AGO3: variants seen among roughly 807,000 people sequenced by gnomAD.
The protein encoded by AGO3 is argonaute RISC catalytic component 3.
In AGO3, 16 loss-of-function variants were observed where a neutral mutation model predicts 105.5. The observed-to-expected ratio is 0.15, with a 90% CI of 0.10 to 0.23. The LOEUF (loss-of-function observed/expected upper bound fraction) is 0.23. AGO3 is among the 10% of genes least tolerant of loss of function. AGO3 has a pLI of 1.00. For missense variants in AGO3, 534 were observed against 1,088.0 expected (o/e 0.49, Z 7.16); for synonymous variants, 340 against 367.3 (o/e 0.93, Z 0.85).
chr1:36,030,110 A>G (rs1005852855), intron 12 of AGO3, among the ~76,000 whole-genome samples: 3 of 152,212 alleles, frequency 2.0e-5, no homozygotes, highest in Admixed American at 6.5e-5. Context: ...TTAAATAAAA[A>G]CCTTCTTTTT....
At chr1:36,033,336 CA>C (rs80275011) in intron 12 of AGO3, among the ~76,000 whole-genome samples, 286 of 124,746 alleles carry the variant, frequency 2.3e-3, no homozygotes, top group Non-Finnish European at 1.9e-3. Flanking sequence ...GACTCCATCT[CA>C]AAAAAAAAAA....
chr1:36,009,082 C>A lies in AGO3; in HGVS notation c.1029+38C>A, dbSNP rs780172892. On this transcript the variant is annotated intron_variant, in intron 8 of 18. Transcript: ENST00000373191. ...CACTGCTAATTAATACCCTGTTGTT[C>A]ATGATTCTTTTGGGGTCTTTTATGG... The A allele has an allele frequency of 1.5e-5, 22 of 1,489,252 alleles. No homozygotes were observed. The South Asian group carries it at 2.6e-4, about 18-fold the overall frequency. 92.3% of individuals were successfully genotyped at this position (1,489,252 alleles called of 1,614,324 possible). A position where few individuals can be genotyped will look rare whatever the true frequency, so the allele number is the denominator to read the frequency against.
At position 36,027,499 on chromosome 1, in the gene AGO3, T is replaced by G. The variant is rs770084253; in HGVS notation, c.1591+201T>G. Among the ~76,000 whole-genome samples, 2 of 152,198 alleles carry G rather than the reference T, an allele frequency of 1.3e-5. No individual in the cohort carries two copies. The highest frequency in any genetic ancestry group is 2.9e-5 in the Non-Finnish European group (2 of 68,034). The stretch of plus-strand genomic sequence containing the variant: ...GACATTGTAAAAAGAGTTTCCGGGC[T>G]GGGCGTGGTGGCTCACGCCTGTAAT... On this transcript the variant is annotated intron_variant, in intron 12 of 18. Transcript: ENST00000373191. The surrounding 1 kb of genome is among the most constrained non-coding windows in gnomAD (Gnocchi z 4.0).
intron 1 of AGO3, among the ~76,000 whole-genome samples, chr1:35,944,155 A>G (rs1646313672): frequency 6.6e-6 from 1 of 152,156 alleles, no homozygotes; most frequent in Non-Finnish European, 1.5e-5. Context: ...TTTTTTGAGG[A>G]ACCATCATAC....
At chr1:35,934,744 G>C (rs761038271) in intron 1 of AGO3, among the ~76,000 whole-genome samples, 2 of 151,974 alleles carry the variant, frequency 1.3e-5, no homozygotes, top group Non-Finnish European at 2.9e-5. Context: ...TCTGCCTCCT[G>C]GGTTCAAGTG....
rs758001841 is a variant in AGO3, at chr1:36,060,023, A to G, written c.*4278A>G. ...TTCTAACAAGTTTCTTGGAAAAACT[A>G]TCATTCTAAGGGAAATCCCTGTTTA... On this transcript the variant is annotated 3_prime_UTR_variant, in exon 19 of 19. Transcript: ENST00000373191. The G allele has an allele frequency of 2.6e-5, 4 of 152,212 alleles. No individual in the cohort carries two copies. The highest frequency in any genetic ancestry group is 4.4e-5 in the Non-Finnish European group (3 of 68,028). 9.4% of individuals were successfully genotyped at this position (152,212 alleles called of 1,614,324 possible).
Position 35,969,455 on chromosome 1 carries a change from A to G in AGO3, c.312+2380A>G, listed in dbSNP as rs377670617. Among the ~76,000 whole-genome samples the G allele has an allele frequency of 2.0e-5, 3 of 152,270 alleles. No individual in the cohort carries two copies. In the East Asian group the frequency reaches 5.8e-4, roughly 29 times the overall value. On this transcript the variant is annotated intron_variant, in intron 3 of 18. Coordinates refer to ENST00000373191, the MANE Select transcript of AGO3 (RefSeq NM_024852.4). ...TTGCTTGAAAGGATTATTACTATGT[A>G]GAAGTGGTGATTTTCTAATTCTGTC...
intron 14 of AGO3, among the ~76,000 whole-genome samples, chr1:36,038,418 G>C (rs987463847): frequency 1.3e-5 from 2 of 151,972 alleles, no homozygotes; most frequent in African/African-American, 4.8e-5. Flanking sequence ...GACACACCCG[G>C]CTAATTTTTT....
chr1:36,010,744 T>TAAAAATACA (rs1557683308), intron 9 of AGO3, among the ~76,000 whole-genome samples: 1 of 151,586 alleles, frequency 6.6e-6, no homozygotes, highest in Non-Finnish European at 1.5e-5. Context: ...CCGTGTCTAC[T>TAAAAATACA]AAAAATACAA....
chr1:36,048,361 A>G (rs185018960), intron 17 of AGO3, among the ~76,000 whole-genome samples: 2 of 152,298 alleles, frequency 1.3e-5, no homozygotes, highest in African/African-American at 2.4e-5. Flanking sequence ...TGAGGGAGAA[A>G]TAGTATTTCC....
chr1:35,993,309 G>A (rs747783496), intron 5 of AGO3, among the ~76,000 whole-genome samples: 2 of 152,006 alleles, frequency 1.3e-5, no homozygotes, highest in Non-Finnish European at 1.5e-5. Flanking sequence ...TTAAAAAACT[G>A]TACAGAATAT....
chr1:36,023,671 C>T lies in AGO3; in HGVS notation c.1407-3443C>T, dbSNP rs539197522. 1.5e-4 allele frequency among the ~76,000 whole-genome samples: 23 copies of T among 152,314 alleles called. No individual in the cohort carries two copies. In the South Asian group the frequency reaches 4.3e-3, roughly 29 times the overall value. ...AAGAATAGGTTACAGCTTGTTTACA[C>T]GTCCGGAGATTACCATTCACTATGT... On this transcript the variant is annotated intron_variant, in intron 11 of 18. Coordinates refer to ENST00000373191, the MANE Select transcript of AGO3 (RefSeq NM_024852.4).
intron 5 of AGO3, among the ~76,000 whole-genome samples, chr1:35,997,745 G>A (rs1639896471): frequency 6.6e-6 from 1 of 152,210 alleles, no homozygotes; most frequent in South Asian, 2.1e-4. Context: ...TGCCCAGGCT[G>A]GAGTGCAGTG....
intron 9 of AGO3, among the ~76,000 whole-genome samples, chr1:36,012,522 T>A (rs1043075157): frequency 1.3e-5 from 2 of 152,132 alleles, no homozygotes; most frequent in Non-Finnish European, 2.9e-5. Context: ...TTCTTATCTG[T>A]CTTTAAGTGT....
At chr1:36,031,805 A>G (rs1042727522) in intron 12 of AGO3, among the ~76,000 whole-genome samples, 2 of 150,944 alleles carry the variant, frequency 1.3e-5, no homozygotes, top group African/African-American at 2.4e-5. Flanking sequence ...TTTTGGCATA[A>G]TATCCTCAAG....
At chr1:36,031,498 A>G (rs558539705) in intron 12 of AGO3, among the ~76,000 whole-genome samples, 21 of 149,874 alleles carry the variant, frequency 1.4e-4, no homozygotes, top group African/African-American at 5.1e-4. Context: ...TTTTTGAGCC[A>G]CATAATGATT....
chr1:35,936,839 T>G (rs570786682), intron 1 of AGO3, among the ~76,000 whole-genome samples: 1 of 152,304 alleles, frequency 6.6e-6, no homozygotes, highest in African/African-American at 2.4e-5. Context: ...CCCAAAATGC[T>G]GGGATTGCAG....
intron 5 of AGO3, among the ~76,000 whole-genome samples, chr1:35,996,469 C>G (rs1362108626): frequency 6.6e-6 from 1 of 152,018 alleles, no homozygotes; most frequent in Non-Finnish European, 1.5e-5. Flanking sequence ...AAATCACATA[C>G]TTCACAAAAG....
chr1:36,003,766 C>A (rs1640219600), intron 5 of AGO3, among the ~76,000 whole-genome samples: 1 of 136,038 alleles, frequency 7.4e-6, no homozygotes. Flanking sequence ...GATTTAGCAC[C>A]AATGACTAAT....
Sources: gnomAD v4.1 joint callset for allele counts (sites outside exome capture counted in the v4.1 genomes callset) on GRCh38, gnomAD v4.1.1 for gene constraint, Gnocchi (gnomAD v3.1) non-coding constraint, MANE v1.5 for transcripts, NCBI Gene and HGNC (gene_info 2026-07-23, HGNC 2026-07-21) for gene names.